The following CENPP variants were observed in gnomAD, a reference collection of about 807,000 sequenced individuals.
CENPP encodes centromere protein P.
CENPP carries 24 observed loss-of-function variants against 35.6 expected under a neutral mutation model. The observed-to-expected ratio is 0.67, with a 90% CI of 0.49 to 0.95. The LOEUF is 0.95. CENPP is among the 40% of genes least tolerant of loss of function. The pLI, the probability that CENPP is intolerant of heterozygous loss-of-function variation, is 0.00. For missense variants in CENPP, 332 were observed against 345.3 expected (o/e 0.96, Z 0.31); for synonymous variants, 120 against 125.5 (o/e 0.96, Z 0.29).
intron 5 of CENPP, among the ~76,000 whole-genome samples, chr9:92,449,629 A>G (rs888081242): frequency 1.1e-4 from 16 of 152,134 alleles, no homozygotes; most frequent in African/African-American, 2.9e-4. Context: ...TTAATCCCCA[A>G]TGTTGGAGGT....
At chr9:92,522,412 A>T (rs1319427334) in intron 5 of CENPP, among the ~76,000 whole-genome samples, 2 of 152,108 alleles carry the variant, frequency 1.3e-5, no homozygotes, top group African/African-American at 4.8e-5. Flanking sequence ...TTTAAAATGT[A>T]TGTTTGTAGA....
rs958491676 is a variant in CENPP, at chr9:92,332,278, G to A, written c.216G>A (p.Thr72=). The change falls in exon 2 of 8, where the codon ACG becomes ACA. Residue 72 remains threonine, a synonymous_variant. Transcript: ENST00000375587. ...HLESELSFLS[T]LTGINIRNHS... ...AATCAGAACTTTCATTTCTAAGTAC[G>A]CTTACTGGCATCAATATAAGAAATC... is the stretch of plus-strand genomic sequence containing the variant. 2.1e-5 allele frequency: 34 copies of A among 1,612,142 alleles called. No homozygotes were observed. The highest frequency in any genetic ancestry group is 2.9e-5 in the Non-Finnish European group (34 of 1,179,130).
chr9:92,454,358 G>C (rs922292272), intron 5 of CENPP, among the ~76,000 whole-genome samples: 1 of 152,040 alleles, frequency 6.6e-6, no homozygotes, highest in African/African-American at 2.4e-5. Flanking sequence ...GCTACTTTAA[G>C]CTCCACTATT....
intron 5 of CENPP, among the ~76,000 whole-genome samples, chr9:92,516,072 T>TCCCCCCCCCCCCCCC (rs76297691): frequency 7.2e-6 from 1 of 139,690 alleles, no homozygotes; most frequent in African/African-American, 2.6e-5. Flanking sequence ...TACTTTTTTT[T>TCCCCCCCCCCCCCCC]CCCCCCCCCG....
intron 5 of CENPP, among the ~76,000 whole-genome samples, chr9:92,442,363 A>G (rs1844418578): frequency 7.0e-6 from 1 of 142,302 alleles, no homozygotes; most frequent in Non-Finnish European, 1.5e-5. Flanking sequence ...GCGCCATTGC[A>G]CTCCAGCCTG....
At chr9:92,529,498 C>T (rs1186629405) in intron 5 of CENPP, among the ~76,000 whole-genome samples, 6 of 152,146 alleles carry the variant, frequency 3.9e-5, no homozygotes, top group African/African-American at 1.2e-4. Flanking sequence ...ACACAAAAAC[C>T]TGCACGCAGA....
intron 5 of CENPP, among the ~76,000 whole-genome samples, chr9:92,609,880 A>G (rs1007372758): frequency 6.6e-6 from 1 of 151,932 alleles, no homozygotes; most frequent in African/African-American, 2.4e-5. Context: ...AGCTGGGATT[A>G]CAGGCACCCA....
At chr9:92,325,921 G>A, upstream of CENPP, 2 of 1,275,352 alleles carry the variant, frequency 1.6e-6, no homozygotes, top group African/African-American at 3.0e-5. Context: ...GAGCGCGCGC[G>A]AGGCTTGAAG....
intron 6 of CENPP, among the ~76,000 whole-genome samples, 186 bp downstream of exon 6, chr9:92,611,579 G>C (rs553861347): frequency 1.3e-5 from 2 of 152,318 alleles, no homozygotes; most frequent in Admixed American, 1.3e-4. Flanking sequence ...GAGCTCTGGA[G>C]GATGTGCTGG....
At chr9:92,601,700 C>T (rs1248692687) in intron 5 of CENPP, among the ~76,000 whole-genome samples, 2 of 152,204 alleles carry the variant, frequency 1.3e-5, no homozygotes, top group Non-Finnish European at 2.9e-5. Flanking sequence ...GAGGGGACAG[C>T]AGGCACTCTT....
At chr9:92,489,628 A>G (rs1190511865) in intron 5 of CENPP, among the ~76,000 whole-genome samples, 1 of 152,014 alleles carries the variant, frequency 6.6e-6, no homozygotes, top group Non-Finnish European at 1.5e-5. Flanking sequence ...TTTTAATCTT[A>G]TGATGAGATG....
At chr9:92,378,539 G>C (rs553709627) in intron 4 of CENPP, among the ~76,000 whole-genome samples, 1 of 152,202 alleles carries the variant, frequency 6.6e-6, no homozygotes, top group East Asian at 1.9e-4. Context: ...ACATTTCAGA[G>C]TTTCTGATGT....
intron 5 of CENPP, among the ~76,000 whole-genome samples, chr9:92,460,022 G>T (rs922273107): frequency 6.7e-6 from 1 of 148,818 alleles, no homozygotes; most frequent in Admixed American, 6.7e-5. Flanking sequence ...CACTTGATTC[G>T]CCCCTATCAG....
At chr9:92,568,910 T>C (rs570175157) in intron 5 of CENPP, among the ~76,000 whole-genome samples, 1 of 152,374 alleles carries the variant, frequency 6.6e-6, no homozygotes, top group South Asian at 2.1e-4. Context: ...TTCATGTCCT[T>C]TGCCCACTTT....
chr9:92,396,784 G>T (rs749276186), intron 5 of CENPP, among the ~76,000 whole-genome samples: 17 of 151,942 alleles, frequency 1.1e-4, no homozygotes, highest in Non-Finnish European at 2.2e-4. Context: ...GCCCAAGCTG[G>T]TCTCAAACTC....
At chr9:92,465,239 A>G (rs1432870436) in intron 5 of CENPP, among the ~76,000 whole-genome samples, 1 of 152,234 alleles carries the variant, frequency 6.6e-6, no homozygotes, top group Non-Finnish European at 1.5e-5. Context: ...GTAAACTGGA[A>G]TATATGAGAA....
chr9:92,326,161 C>A (rs1326652705), intron 1 of CENPP, 56 bp downstream of exon 1: 12 of 1,161,590 alleles, frequency 1.0e-5, no homozygotes, highest in Admixed American at 4.9e-5. Flanking sequence ...CCGGGCCAGG[C>A]GGGTGAATCT....
At chr9:92,351,116 A>G (rs1454341131) in intron 4 of CENPP, among the ~76,000 whole-genome samples, 1 of 152,234 alleles carries the variant, frequency 6.6e-6, no homozygotes, top group African/African-American at 2.4e-5. Context: ...GTTAAAGAGT[A>G]CACTTCAATA....
At chr9:92,333,991 G>A (rs1322006044) in intron 2 of CENPP, among the ~76,000 whole-genome samples, 1 of 152,034 alleles carries the variant, frequency 6.6e-6, no homozygotes, top group Non-Finnish European at 1.5e-5. Context: ...ACTTTCTTTT[G>A]GAATTTCCTT....
Sources: allele counts gnomAD v4.1 joint callset (sites outside exome capture counted in the v4.1 genomes callset), GRCh38; gene constraint gnomAD v4.1.1; transcripts MANE v1.5; gene names NCBI Gene and HGNC (gene_info 2026-07-23, HGNC 2026-07-21).